GMDS: variants seen among roughly 807,000 people sequenced by gnomAD.
The protein encoded by GMDS is GDP-mannose 4,6 dehydratase.
A neutral mutation model predicts 49.9 loss-of-function variants in GMDS; 20 were observed. That is an observed-to-expected ratio of 0.40 (90% CI 0.28 to 0.58). The LOEUF (loss-of-function observed/expected upper bound fraction) is 0.58. GMDS is among the 20% of genes least tolerant of loss of function. The pLI is 0.42. For missense variants in GMDS, 362 were observed against 481.4 expected (o/e 0.75, Z 2.32); for synonymous variants, 177 against 178.6 (o/e 0.99, Z 0.07).
intron 7 of GMDS, among the ~76,000 whole-genome samples, chr6:1,928,113 T>A (rs1321865885): frequency 6.6e-6 from 1 of 152,212 alleles, no homozygotes; most frequent in Non-Finnish European, 1.5e-5. Flanking sequence ...AAGCCTGTAA[T>A]CCCGGCACTT....
chr6:1,951,891 T>G (rs1296711756), intron 6 of GMDS: 1 of 985,216 alleles, frequency 1.0e-6, no homozygotes, highest in African/African-American at 1.7e-5. Context: ...TAAGAGCAGC[T>G]GAGACATTCC....
At chr6:1,991,949 C>G (rs534197187) in intron 4 of GMDS, among the ~76,000 whole-genome samples, 1 of 152,148 alleles carries the variant, frequency 6.6e-6, no homozygotes, top group African/African-American at 2.4e-5. Flanking sequence ...CGCAGCTCCA[C>G]GGCAAGGAAG....
At chr6:1,978,593 G>A (rs1765050403) in intron 4 of GMDS, among the ~76,000 whole-genome samples, 1 of 152,062 alleles carries the variant, frequency 6.6e-6, no homozygotes, top group African/African-American at 2.4e-5. Flanking sequence ...TGTTCTTTGG[G>A]GCCTAAAGAG....
chr6:1,795,792 C>T (rs1286205094), intron 7 of GMDS, among the ~76,000 whole-genome samples: 1 of 152,204 alleles, frequency 6.6e-6, no homozygotes, highest in East Asian at 1.9e-4. Context: ...TTTCAGTGTA[C>T]TCAATTTAAA....
At chr6:1,748,766 C>CTTTTT (rs1767611763) in intron 7 of GMDS, among the ~76,000 whole-genome samples, 1 of 152,256 alleles carries the variant, frequency 6.6e-6, no homozygotes, top group South Asian at 2.1e-4. Context: ...ATTTGCCCAC[C>CTTTTT]TTTGCTTTCA....
chr6:1,807,825 T>C (rs1770245090), intron 7 of GMDS, among the ~76,000 whole-genome samples: 1 of 152,062 alleles, frequency 6.6e-6, no homozygotes, highest in South Asian at 2.1e-4. Flanking sequence ...ATCTTCATAA[T>C]CATAAGGATT....
chr6:2,218,885 C>T (rs567722160), intron 1 of GMDS, among the ~76,000 whole-genome samples: 2 of 152,292 alleles, frequency 1.3e-5, no homozygotes, highest in South Asian at 2.1e-4. Context: ...GCTAACCTAA[C>T]ACCTGTGCTT....
chr6:2,227,216 T>G (rs1432850834), intron 1 of GMDS, among the ~76,000 whole-genome samples: 1 of 152,044 alleles, frequency 6.6e-6, no homozygotes, highest in Admixed American at 6.5e-5. Context: ...GTCATATATA[T>G]ATATAAAATG....
intron 9 of GMDS, chr6:1,717,668 A>T (rs909366374): frequency 1.3e-5 from 2 of 152,228 alleles, no homozygotes; most frequent in African/African-American, 4.8e-5. Context: ...CAAAATAAAT[A>T]TTTAAATAAA....
At chr6:2,015,974 A>T (rs576044184) in intron 4 of GMDS, among the ~76,000 whole-genome samples, 1 of 151,110 alleles carries the variant, frequency 6.6e-6, no homozygotes. Context: ...GTAGCAGCAC[A>T]GGTCTGTAAT....
chr6:1,875,607 T>C (rs1682459912), intron 7 of GMDS, among the ~76,000 whole-genome samples: 1 of 152,218 alleles, frequency 6.6e-6, no homozygotes, highest in African/African-American at 2.4e-5. Context: ...CACTATCTTG[T>C]ATGTCAAGAT....
At chr6:1,705,504 C>T (rs1765700159) in intron 9 of GMDS, among the ~76,000 whole-genome samples, 1 of 152,210 alleles carries the variant, frequency 6.6e-6, no homozygotes, top group South Asian at 2.1e-4. Context: ...CGTGAATATT[C>T]CTTCAGCAAA....
chr6:1,946,951 CTTAA>C (rs1403431222), intron 6 of GMDS, among the ~76,000 whole-genome samples: 2 of 152,190 alleles, frequency 1.3e-5, no homozygotes, highest in Admixed American at 6.5e-5. Flanking sequence ...AACCATCAAT[CTTAA>C]TTAATATAGC....
At chr6:2,124,086 T>A (rs1395695222) in intron 2 of GMDS, among the ~76,000 whole-genome samples, 1 of 151,904 alleles carries the variant, frequency 6.6e-6, no homozygotes, top group African/African-American at 2.4e-5. Flanking sequence ...CATGTATATA[T>A]CTGAAAAACG....
intron 4 of GMDS, among the ~76,000 whole-genome samples, chr6:2,072,183 T>C (rs1260313188): frequency 6.6e-6 from 1 of 152,208 alleles, no homozygotes; most frequent in African/African-American, 2.4e-5. Context: ...AGGAAATGTA[T>C]GCCTTAGAAC....
chr6:1,916,124 G>A (rs1378880198), intron 7 of GMDS, among the ~76,000 whole-genome samples: 1 of 152,186 alleles, frequency 6.6e-6, no homozygotes, highest in East Asian at 1.9e-4. Context: ...TACAATCATG[G>A]TTTTTACGTA....
chr6:2,123,206 G>A (rs906764713), intron 2 of GMDS, among the ~76,000 whole-genome samples: 10 of 152,096 alleles, frequency 6.6e-5, no homozygotes, highest in African/African-American at 2.2e-4. Flanking sequence ...ACTGTCACTG[G>A]GTCCACCATC....
At chr6:2,224,626 T>C (rs1390105058) in intron 1 of GMDS, among the ~76,000 whole-genome samples, 1 of 152,230 alleles carries the variant, frequency 6.6e-6, no homozygotes, top group Non-Finnish European at 1.5e-5. Context: ...ACAAGTTTGG[T>C]ATTATGTCTC....
At chr6:2,135,400 G>A (rs1428132313) in intron 1 of GMDS, among the ~76,000 whole-genome samples, 2 of 152,082 alleles carry the variant, frequency 1.3e-5, no homozygotes, top group African/African-American at 4.8e-5. Context: ...CCTTTATCCT[G>A]AGGTTTAAAA....
Sources: gnomAD v4.1 joint callset for allele counts (sites outside exome capture counted in the v4.1 genomes callset) on GRCh38, gnomAD v4.1.1 for gene constraint, MANE v1.5 for transcripts, NCBI Gene and HGNC (gene_info 2026-07-23, HGNC 2026-07-21) for gene names.